The following FNTB variants were observed in gnomAD, a reference collection of about 807,000 sequenced individuals.
FNTB encodes farnesyltransferase, CAAX box, subunit beta.
A neutral mutation model predicts 59.4 loss-of-function variants in FNTB; 27 were observed. The ratio of observed to expected loss-of-function variants is 0.45; its 90% CI spans 0.34 to 0.63. The LOEUF is 0.63. Ranked by LOEUF, FNTB falls within the 20% of genes least tolerant of loss-of-function variation. FNTB has a pLI of 0.02. For missense variants in FNTB, 449 were observed against 559.6 expected, an observed-to-expected ratio of 0.80 and a Z score of 1.99; for synonymous variants, 230 against 220.7, an observed-to-expected ratio of 1.04 and a Z score of -0.37.
rs1393519837 is a variant in FNTB, at chr14:65,009,523, G to A, written c.210-2794G>A. Among the ~76,000 whole-genome samples the A allele has an allele frequency of 6.6e-6, 1 of 151,876 alleles. No individual in the cohort carries two copies. Among genetic ancestry groups the A allele is most frequent in the East Asian group, 1.9e-4 (1 of 5,186 alleles). ...TTCCCACATCAGAGACCTATATTTC[G>A]CTAGCTTCGTACCCATCATTTCTCG... is the stretch of plus-strand genomic sequence containing the variant. On this transcript the variant is annotated intron_variant, in intron 2 of 11. Coordinates refer to ENST00000246166, the MANE Select transcript of FNTB (RefSeq NM_002028.4). This position sits in a 1 kb window ranked among gnomAD's most constrained non-coding sequence, Gnocchi z 4.2.
In FNTB at chr14:65,044,302, T is replaced by C. The variant is rs1393128369; in HGVS notation, c.823-9T>C. On this transcript the variant is annotated splice_polypyrimidine_tract_variant and intron_variant, in intron 8 of 11. Transcript: ENST00000246166. This position sits in a 1 kb window ranked among gnomAD's most constrained non-coding sequence, Gnocchi z 5.5. ...CCTACAACTGCCTTTCCCATCTGTG[T>C]CTCCTCAGCAATGGGTGACAAGCCG... is the stretch of plus-strand genomic sequence containing the variant. The C allele has an allele frequency of 6.2e-7, 1 of 1,612,184 alleles. No individual in the cohort carries two copies.
In FNTB at chr14:65,010,399, G is replaced by A. The variant is rs143763368; in HGVS notation, c.210-1918G>A. On this transcript the variant is annotated intron_variant, in intron 2 of 11. Coordinates refer to ENST00000246166, the MANE Select transcript of FNTB (RefSeq NM_002028.4). ...CCTGAATCCCTCTCCTGAGCCTCAC[G>A]TGTGTGTCCAGCAGCCTGATTGACA... 1.3e-3 allele frequency among the ~76,000 whole-genome samples: 194 copies of A among 152,240 alleles called. 1 individual carries two copies. Among genetic ancestry groups the A allele is most frequent in the African/African-American group, 4.6e-3 (193 of 41,542 alleles).
intron 1 of FNTB, among the ~76,000 whole-genome samples, chr14:64,995,221 C>A (rs1039711514): frequency 1.3e-5 from 2 of 152,152 alleles, no homozygotes; most frequent in African/African-American, 4.8e-5. Context: ...ATGGAGCTGT[C>A]ATCTCCTAGG....
chr14:64,989,196 T>C (rs908808923), intron 1 of FNTB, among the ~76,000 whole-genome samples: 1 of 151,514 alleles, frequency 6.6e-6, no homozygotes, highest in Non-Finnish European at 1.5e-5. Context: ...ATCCCAGCAC[T>C]TTGGGAGTTC....
intron 2 of FNTB, among the ~76,000 whole-genome samples, chr14:65,005,623 C>T (rs997052985): frequency 3.3e-5 from 5 of 150,698 alleles, no homozygotes; most frequent in Non-Finnish European, 7.4e-5. Context: ...CTTGTCTTGT[C>T]CTGTCCTGTC....
At chr14:64,989,196 T>G (rs908808923) in intron 1 of FNTB, among the ~76,000 whole-genome samples, 2 of 151,514 alleles carry the variant, frequency 1.3e-5, no homozygotes, top group African/African-American at 4.9e-5. Flanking sequence ...ATCCCAGCAC[T>G]TTGGGAGTTC....
chr14:65,023,062 T>C lies in FNTB; in HGVS notation c.375-4391T>C, dbSNP rs950582977. Among the ~76,000 whole-genome samples, 1 of 152,214 alleles carries C rather than the reference T, an allele frequency of 6.6e-6. No homozygotes were observed. The highest frequency in any genetic ancestry group is 2.4e-5 in the African/African-American group (1 of 41,456). On this transcript the variant is annotated intron_variant, in intron 4 of 11. Coordinates refer to ENST00000246166, the MANE Select transcript of FNTB (RefSeq NM_002028.4). The surrounding 1 kb of genome is among the most constrained non-coding windows in gnomAD (Gnocchi z 4.1). ...CTGATGACGGTGTTTAGAATCAACA[T>C]TGATTAATTGATTGAGACAGGGTCT...
At chr14:65,035,591 G>A (rs1744369158) in intron 7 of FNTB, among the ~76,000 whole-genome samples, 1 of 151,990 alleles carries the variant, frequency 6.6e-6, no homozygotes, top group South Asian at 2.1e-4. Flanking sequence ...GTGTAGTGGT[G>A]TGATCACAGC....
chr14:65,012,528 G>T lies in FNTB; in HGVS notation c.282+139G>T, dbSNP rs1814350904. On this transcript the variant is annotated intron_variant, in intron 3 of 11. Coordinates refer to ENST00000246166, the MANE Select transcript of FNTB (RefSeq NM_002028.4). The surrounding 1 kb of genome is among the most constrained non-coding windows in gnomAD (Gnocchi z 5.0). ...TTCTCTGTGGCTCTGGCAGGAGGTA[G>T]GGTGCTGTCACAGAGCTGGGACTCA... The T allele has an allele frequency of 1.1e-5, 13 of 1,202,132 alleles. No individual in the cohort carries two copies. In the South Asian group the frequency reaches 1.9e-4, roughly 17 times the overall value. 74.5% of individuals were successfully genotyped at this position (1,202,132 alleles called of 1,614,324 possible). A position where few individuals can be genotyped will look rare whatever the true frequency, so the allele number is the denominator to read the frequency against.
chr14:65,050,507 C>G (rs994152057), intron 9 of FNTB, among the ~76,000 whole-genome samples: 16 of 152,246 alleles, frequency 1.1e-4, no homozygotes, highest in Admixed American at 7.9e-4. Context: ...AGGAGAATGA[C>G]TTGAACCTGG....
chr14:65,045,608 G>T (rs1252006675), intron 9 of FNTB, among the ~76,000 whole-genome samples: 5 of 152,124 alleles, frequency 3.3e-5, no homozygotes, highest in African/African-American at 7.2e-5. Context: ...TAGAGACAGG[G>T]TTTCACCATG....
intron 2 of FNTB, among the ~76,000 whole-genome samples, chr14:65,005,619 T>TTGTCC (rs980395677): frequency 1.3e-5 from 2 of 151,484 alleles, no homozygotes; most frequent in African/African-American, 2.4e-5. Context: ...CTGTCTTGTC[T>TTGTCC]TGTCCTGTCC....
intron 1 of FNTB, 59 bp downstream of exon 1, chr14:64,987,156 G>A (rs1887977253): frequency 5.0e-6 from 8 of 1,595,964 alleles, no homozygotes; most frequent in Non-Finnish European, 6.8e-6. Context: ...CGCGAGTCCC[G>A]TTCGTAGGGC....
Position 65,032,402 on chromosome 14 carries a change from T to C in FNTB, c.606-208T>C. 2 of 470,692 alleles carry C rather than the reference T, an allele frequency of 4.2e-6. No individual in the cohort carries two copies. Among genetic ancestry groups the C allele is most frequent in the Non-Finnish European group, 7.5e-6 (2 of 266,604 alleles). 29.2% of individuals were successfully genotyped at this position (470,692 alleles called of 1,614,324 possible). ...AGGGAGAATAGAATGTCATGTTCTT[T>C]CACTGAAGCCATGCCGTGAGCAACT... On this transcript the variant is annotated intron_variant, in intron 6 of 11. Transcript: ENST00000246166. This position sits in a 1 kb window ranked among gnomAD's most constrained non-coding sequence, Gnocchi z 5.0.
chr14:65,034,243 A>G lies in FNTB; in HGVS notation c.692+1547A>G, dbSNP rs746601660. On this transcript the variant is annotated intron_variant, in intron 7 of 11. Transcript: ENST00000246166. ...CTGGACAGATTGCTCTCAGCTTGCT[A>G]CACAGCAGGCATCCCGAAGCTTCCT... is the stretch of plus-strand genomic sequence containing the variant. Among the ~76,000 whole-genome samples, 35 of 152,324 alleles carry G rather than the reference A, an allele frequency of 2.3e-4. 1 individual carries two copies. The highest frequency in any genetic ancestry group is 1.5e-3 in the Admixed American group (23 of 15,302).
Position 65,034,754 on chromosome 14 carries a change from A to T in FNTB, c.692+2058A>T, listed in dbSNP as rs374308190. Among the ~76,000 whole-genome samples, 3 of 152,140 alleles carry T rather than the reference A, an allele frequency of 2.0e-5. No homozygotes were observed. In the East Asian group the frequency reaches 5.8e-4, roughly 29 times the overall value. ...AGTATGGAATTATAATGTCTGCTTT[A>T]AATTGCTTGTCTGGGAATTTCCACA... On this transcript the variant is annotated intron_variant, in intron 7 of 11. Coordinates refer to ENST00000246166, the MANE Select transcript of FNTB (RefSeq NM_002028.4).
intron 4 of FNTB, among the ~76,000 whole-genome samples, chr14:65,024,292 G>A (rs752158988): frequency 6.6e-6 from 1 of 151,926 alleles, no homozygotes; most frequent in African/African-American, 2.4e-5. Context: ...TAGTGATTCC[G>A]GTTTAATTGG....
intron 9 of FNTB, among the ~76,000 whole-genome samples, chr14:65,048,109 G>A (rs2062524428): frequency 6.9e-6 from 1 of 144,148 alleles, no homozygotes; most frequent in East Asian, 2.1e-4. Flanking sequence ...AGCCTCCTGT[G>A]TAGCTGGGAT....
At chr14:64,995,352 G>T (rs1486342920) in intron 1 of FNTB, among the ~76,000 whole-genome samples, 1 of 152,122 alleles carries the variant, frequency 6.6e-6, no homozygotes, top group Non-Finnish European at 1.5e-5. Context: ...GTAAACATGT[G>T]AATTAGTAAT....
Sources: gnomAD v4.1 joint callset for allele counts (sites outside exome capture counted in the v4.1 genomes callset) on GRCh38, gnomAD v4.1.1 for gene constraint, Gnocchi (gnomAD v3.1) non-coding constraint, MANE v1.5 for transcripts, NCBI Gene and HGNC (gene_info 2026-07-23, HGNC 2026-07-21) for gene names.